The following CAMKMT variants were observed in gnomAD, a reference collection of about 807,000 sequenced individuals.
The protein encoded by CAMKMT is calmodulin-lysine N-methyltransferase.
Under a neutral mutation model 48.0 loss-of-function variants are expected in CAMKMT, and 53 were observed. The ratio of observed to expected loss-of-function variants is 1.10; its 90% confidence interval spans 0.89 to 1.39. The LOEUF is 1.39. Among genes scored for constraint, CAMKMT ranks in the 40% most tolerant of loss-of-function variants. The pLI is 0.00. For missense variants in CAMKMT, 428 were observed against 402.7 expected (o/e 1.06, Z -0.54); for synonymous variants, 165 against 152.3 (o/e 1.08, Z -0.61).
intron 3 of CAMKMT, among the ~76,000 whole-genome samples, chr2:44,458,031 T>C (rs1049783150): frequency 4.0e-5 from 6 of 149,140 alleles, no homozygotes; most frequent in South Asian, 2.1e-4. Flanking sequence ...TAGGACTTTG[T>C]AGCTTTGTGA....
At chr2:44,375,639 G>C (rs1158882391) in intron 2 of CAMKMT, among the ~76,000 whole-genome samples, 2 of 152,120 alleles carry the variant, frequency 1.3e-5, no homozygotes, top group Non-Finnish European at 2.9e-5. Context: ...GGGATGCCCA[G>C]ATGATGGCAA....
intron 3 of CAMKMT, among the ~76,000 whole-genome samples, chr2:44,556,200 G>A (rs185736780): frequency 1.0e-3 from 156 of 151,934 alleles, no homozygotes; most frequent in African/African-American, 3.3e-3. Flanking sequence ...GTGCAGTGGC[G>A]CCATCTCAGC....
intron 3 of CAMKMT, among the ~76,000 whole-genome samples, chr2:44,524,156 A>G (rs72879400): frequency 0.021 from 3,180 of 152,246 alleles, 90 homozygotes; most frequent in African/African-American, 0.066. Flanking sequence ...ACAGAGCATC[A>G]CTTCCACTGA....
rs150612914 is a variant in CAMKMT at position 44,554,493 on chromosome 2, C to T, written c.377-149790C>T. On this transcript the variant is annotated intron_variant, in intron 3 of 10. Coordinates refer to ENST00000378494, the MANE Select transcript of CAMKMT (RefSeq NM_024766.5). ...GCTCATGCCTGTAATCCTGACAGTT[C>T]AGGAGGCCAAGACAGAAGGATTGTG... is the stretch of plus-strand genomic sequence containing the variant. Among the ~76,000 whole-genome samples the T allele has an allele frequency of 3.6e-4, 55 of 152,182 alleles. No individual in the cohort carries two copies. The East Asian group carries it at 9.3e-3, about 26-fold the overall frequency.
At chr2:44,604,979 A>C (rs1318618907) in intron 3 of CAMKMT, among the ~76,000 whole-genome samples, 1 of 152,154 alleles carries the variant, frequency 6.6e-6, no homozygotes, top group Non-Finnish European at 1.5e-5. Flanking sequence ...TTCCAAATGG[A>C]GTGCCATCAG....
chr2:44,396,666 A>C (rs777538645), intron 3 of CAMKMT, among the ~76,000 whole-genome samples: 2 of 151,760 alleles, frequency 1.3e-5, no homozygotes, highest in Non-Finnish European at 2.9e-5. Context: ...AATTAATTCT[A>C]CTTTTCCAGA....
At chr2:44,481,700 G>A (rs1044424272) in intron 3 of CAMKMT, among the ~76,000 whole-genome samples, 2 of 151,968 alleles carry the variant, frequency 1.3e-5, no homozygotes, top group African/African-American at 4.8e-5. Flanking sequence ...TGATAAAGTT[G>A]ATATTTATGT....
At chr2:44,738,191 T>C (rs1679467588) in intron 7 of CAMKMT, among the ~76,000 whole-genome samples, 1 of 152,204 alleles carries the variant, frequency 6.6e-6, no homozygotes, top group African/African-American at 2.4e-5. Flanking sequence ...TGCTTCTTTC[T>C]CATTTCCTCC....
intron 2 of CAMKMT, among the ~76,000 whole-genome samples, chr2:44,388,473 C>T (rs1425890186): frequency 1.3e-5 from 2 of 152,146 alleles, no homozygotes; most frequent in Non-Finnish European, 2.9e-5. Context: ...CCCTGATTAG[C>T]TTAATAACTA....
intron 9 of CAMKMT, 80 bp downstream of exon 9, chr2:44,754,198 T>G (rs2104389607): frequency 9.1e-7 from 1 of 1,099,286 alleles, no homozygotes; most frequent in East Asian, 2.4e-5. Flanking sequence ...AGTAATGGAA[T>G]GGCAGGATTA....
intron 3 of CAMKMT, among the ~76,000 whole-genome samples, chr2:44,544,423 T>G (rs1352797568): frequency 6.6e-6 from 1 of 152,210 alleles, no homozygotes; most frequent in African/African-American, 2.4e-5. Context: ...CAGTGTTAAT[T>G]AAGCCAGGCC....
intron 7 of CAMKMT, among the ~76,000 whole-genome samples, chr2:44,733,753 A>G (rs1399006880): frequency 6.6e-6 from 1 of 152,080 alleles, no homozygotes. Flanking sequence ...TCAATTTTCA[A>G]ATGTTAAACC....
chr2:44,453,679 T>G (rs1013744659), intron 3 of CAMKMT, among the ~76,000 whole-genome samples: 3 of 152,068 alleles, frequency 2.0e-5, no homozygotes, highest in African/African-American at 7.2e-5. Context: ...AAAGATAATT[T>G]TATTGTCCAT....
chr2:44,614,936 C>CTTTATT (rs1671791568), intron 3 of CAMKMT, among the ~76,000 whole-genome samples: 1 of 48,990 alleles, frequency 2.0e-5, no homozygotes, highest in Non-Finnish European at 3.3e-5. Context: ...GGTCTCCTTG[C>CTTTATT]TTTTTTTTTT....
intron 3 of CAMKMT, among the ~76,000 whole-genome samples, chr2:44,583,014 C>T (rs1669646194): frequency 6.6e-6 from 1 of 151,992 alleles, no homozygotes; most frequent in East Asian, 1.9e-4. Context: ...TCGAATTGTT[C>T]TGATACTCCC....
At chr2:44,555,966 A>G (rs1488126853) in intron 3 of CAMKMT, among the ~76,000 whole-genome samples, 1 of 152,032 alleles carries the variant, frequency 6.6e-6, no homozygotes, top group Non-Finnish European at 1.5e-5. Flanking sequence ...GCAGTGGGCT[A>G]AGGGGTGAGT....
chr2:44,498,879 TG>T (rs1486358812), intron 3 of CAMKMT, among the ~76,000 whole-genome samples: 1 of 152,188 alleles, frequency 6.6e-6, no homozygotes. Context: ...CAAATTATCC[TG>T]AGCACTTTCA....
chr2:44,660,929 C>CTAACA (rs1674646162), intron 3 of CAMKMT, among the ~76,000 whole-genome samples: 1 of 152,134 alleles, frequency 6.6e-6, no homozygotes, highest in African/African-American at 2.4e-5. Flanking sequence ...CAATATATGG[C>CTAACA]ATCAATGTTA....
chr2:44,548,821 A>G (rs1667545007), intron 3 of CAMKMT, among the ~76,000 whole-genome samples: 1 of 152,182 alleles, frequency 6.6e-6, no homozygotes, highest in Non-Finnish European at 1.5e-5. Flanking sequence ...TTTGCCAGGA[A>G]GAATGAGGTT....
Sources: allele counts gnomAD v4.1 joint callset (sites outside exome capture counted in the v4.1 genomes callset), GRCh38; gene constraint gnomAD v4.1.1; transcripts MANE v1.5; gene names NCBI Gene and HGNC (gene_info 2026-07-23, HGNC 2026-07-21).